The following NSG2 variants were observed in gnomAD, a reference collection of about 807,000 sequenced individuals.
NSG2 encodes the protein neuronal vesicle trafficking associated 2.
NSG2 carries 4 observed loss-of-function variants against 16.9 expected under a neutral mutation model. That is an observed-to-expected ratio of 0.24 (90% confidence interval 0.12 to 0.54). The LOEUF is 0.54. NSG2 is among the 20% of genes least tolerant of loss of function. The pLI is 0.95. For missense variants in NSG2, 179 were observed against 221.1 expected (o/e 0.81, Z 1.21); for synonymous variants, 98 against 88.7 (o/e 1.11, Z -0.59).
At chr5:174,092,666 G>C (rs144049346) in intron 3 of NSG2, among the ~76,000 whole-genome samples, 2 of 152,352 alleles carry the variant, frequency 1.3e-5, no homozygotes, top group Non-Finnish European at 2.9e-5. Context: ...GCATTTACAT[G>C]ACTCTCTTTC....
intron 2 of NSG2, among the ~76,000 whole-genome samples, chr5:174,059,511 A>C (rs1760017178): frequency 6.6e-6 from 1 of 152,188 alleles, no homozygotes; most frequent in South Asian, 2.1e-4. Context: ...ACTAAATTCT[A>C]ATCACTTTTC....
intron 1 of NSG2, 31 bp from the exon 2 acceptor site, chr5:174,046,703 G>C: frequency 6.2e-7 from 1 of 1,610,480 alleles, no homozygotes; most frequent in Non-Finnish European, 8.5e-7. Flanking sequence ...CTCACCTCCT[G>C]CTGTAACCAG....
rs373234848 is a variant in NSG2, at chr5:174,051,053, G to A, written c.129+4169G>A. Among the ~76,000 whole-genome samples, 62 of 152,228 alleles carry A rather than the reference G, an allele frequency of 4.1e-4. 2 individuals are homozygous for A. In the South Asian group the frequency reaches 0.012, roughly 29 times the overall value. On this transcript the variant is annotated intron_variant, in intron 2 of 4. Transcript: ENST00000303177. ...TCCTTTCACTCCCACGTTGCGCCTC[G>A]AATGTTAGCGTGCCAGACCTACCTG...
At chr5:174,057,421 A>G (rs1389164730) in intron 2 of NSG2, among the ~76,000 whole-genome samples, 1 of 152,236 alleles carries the variant, frequency 6.6e-6, no homozygotes, top group South Asian at 2.1e-4. Flanking sequence ...AGTACTAAAA[A>G]AAAGGAACTG....
At position 174,071,038 on chromosome 5, in the gene NSG2, T is replaced by C. The variant is rs960132853; in HGVS notation, c.213+6723T>C. ...GGGCCAGCTCAGACTGGAGGGTGTGTAGGCACTTGGGAAGGATCCTGGGAA... is the reference window on the plus strand; with the variant it reads ...GGGCCAGCTCAGACTGGAGGGTGTGCAGGCACTTGGGAAGGATCCTGGGAA... On this transcript the variant is annotated intron_variant, in intron 3 of 4. Coordinates refer to ENST00000303177, the MANE Select transcript of NSG2 (RefSeq NM_015980.5). 3.3e-5 allele frequency among the ~76,000 whole-genome samples: 5 copies of C among 152,290 alleles called. No individual in the cohort carries two copies. The East Asian group carries it at 9.7e-4, about 29-fold the overall frequency.
Position 174,107,817 on chromosome 5 carries a change from CAG to C in NSG2, c.*313_*314del. 5.6e-6 allele frequency: 3 copies of C among 536,564 alleles called. No homozygotes were observed. The highest frequency in any genetic ancestry group is 1.1e-5 in the Non-Finnish European group (3 of 282,574). 33.2% of individuals were successfully genotyped at this position (536,564 alleles called of 1,614,324 possible). A position where few individuals can be genotyped will look rare whatever the true frequency, so the allele number is the denominator to read the frequency against. ...CTTATTCTTTGTTAGGAAAATGTAA[CAG>C]CAGAAAAGGAAAGAAACAAAGAACA... is the stretch of plus-strand genomic sequence containing the variant. On this transcript the variant is annotated 3_prime_UTR_variant, in exon 5 of 5. Coordinates refer to ENST00000303177, the MANE Select transcript of NSG2 (RefSeq NM_015980.5). The surrounding 1 kb of genome is among the most constrained non-coding windows in gnomAD (Gnocchi z 4.5).
At chr5:174,100,171 G>T (rs1014331428) in intron 3 of NSG2, among the ~76,000 whole-genome samples, 2 of 152,226 alleles carry the variant, frequency 1.3e-5, no homozygotes, top group Non-Finnish European at 2.9e-5. Flanking sequence ...CCCATGGGCT[G>T]GGCTGCACCC....
intron 2 of NSG2, among the ~76,000 whole-genome samples, chr5:174,049,632 G>A (rs1008629813): frequency 1.2e-4 from 18 of 152,168 alleles, no homozygotes; most frequent in Admixed American, 4.6e-4. Flanking sequence ...AGCCCAGGCA[G>A]TGCTGTTCCA....
intron 3 of NSG2, among the ~76,000 whole-genome samples, chr5:174,082,116 C>T (rs1294775417): frequency 6.6e-6 from 1 of 152,176 alleles, no homozygotes; most frequent in African/African-American, 2.4e-5. Context: ...CTGTCTGAAG[C>T]TTTGAAAGAT....
At chr5:174,051,259 T>TACCCAGGG (rs1759884521) in intron 2 of NSG2, among the ~76,000 whole-genome samples, 1 of 152,096 alleles carries the variant, frequency 6.6e-6, no homozygotes, top group African/African-American at 2.4e-5. Flanking sequence ...GTCCTGCCCC[T>TACCCAGGG]GGGTAGAATT....
At chr5:174,049,883 G>T (rs920795743) in intron 2 of NSG2, among the ~76,000 whole-genome samples, 6 of 152,308 alleles carry the variant, frequency 3.9e-5, no homozygotes, top group African/African-American at 1.4e-4. Flanking sequence ...AGTAAATTTT[G>T]CTCAAGAAGC....
At chr5:174,071,437 A>G (rs1016834295) in intron 3 of NSG2, among the ~76,000 whole-genome samples, 1 of 152,206 alleles carries the variant, frequency 6.6e-6, no homozygotes, top group Non-Finnish European at 1.5e-5. Context: ...CAGTGAGCTG[A>G]GATCGCACCA....
At chr5:174,105,567 G>T (rs1760964241) in intron 4 of NSG2, among the ~76,000 whole-genome samples, 1 of 152,162 alleles carries the variant, frequency 6.6e-6, no homozygotes, top group African/African-American at 2.4e-5. Context: ...GAACGTGGAG[G>T]TTTCTCCGCA....
chr5:174,087,667 G>A (rs1177269235), intron 3 of NSG2, among the ~76,000 whole-genome samples: 2 of 151,686 alleles, frequency 1.3e-5, no homozygotes, highest in African/African-American at 2.4e-5. Context: ...ACCCCTGCAA[G>A]TCCTCCTACT....
rs902687113 is a variant in NSG2 at position 174,107,323 on chromosome 5, T to C, written c.334T>C (p.Cys112Arg). ...PEGFVYKHKR[C>R]IPASLDAYYS... Reference sequence around the variant, plus strand: ...TCTCTTTCTTCCCCAGCACAAACGCTGTATCCCAGCCTCCCTGGATGCTTA... The same window carrying C: ...TCTCTTTCTTCCCCAGCACAAACGCCGTATCCCAGCCTCCCTGGATGCTTA... Residue 112 changes from cysteine (C) to arginine (R), a missense_variant, in exon 5 of 5, where the codon TGT (cysteine) becomes CGT (arginine). Coordinates refer to ENST00000303177, the MANE Select transcript of NSG2 (RefSeq NM_015980.5). This position sits in a 1 kb window ranked among gnomAD's most constrained non-coding sequence, Gnocchi z 4.5. The C allele has an allele frequency of 1.3e-6, 2 of 1,565,242 alleles. No individual in the cohort carries two copies. Among genetic ancestry groups the C allele is most frequent in the Non-Finnish European group, 1.7e-6 (2 of 1,150,074 alleles).
chr5:174,086,990 C>G (rs1181926247), intron 3 of NSG2, among the ~76,000 whole-genome samples: 1 of 152,112 alleles, frequency 6.6e-6, no homozygotes, highest in Non-Finnish European at 1.5e-5. Context: ...GGCTCTACAC[C>G]CAGGAATCAC....
At chr5:174,099,013 T>C (rs1760857053) in intron 3 of NSG2, among the ~76,000 whole-genome samples, 1 of 152,192 alleles carries the variant, frequency 6.6e-6, no homozygotes, top group East Asian at 1.9e-4. Context: ...CCGGCTTTCA[T>C]GTTCAGAGGT....
intron 3 of NSG2, chr5:174,066,265 T>G: frequency 2.2e-6 from 1 of 455,678 alleles, no homozygotes; most frequent in Non-Finnish European, 4.4e-6. Flanking sequence ...TACAAGTACT[T>G]GCAGGAATAA....
chr5:174,077,746 C>A (rs1459640590), intron 3 of NSG2, among the ~76,000 whole-genome samples: 1 of 151,912 alleles, frequency 6.6e-6, no homozygotes, highest in Non-Finnish European at 1.5e-5. Context: ...TCCTTTCCTG[C>A]GTTTTTCTGG....
Sources: allele counts gnomAD v4.1 joint callset (sites outside exome capture counted in the v4.1 genomes callset), GRCh38; gene constraint gnomAD v4.1.1; non-coding constraint Gnocchi (gnomAD v3.1); transcripts MANE v1.5; gene names NCBI Gene and HGNC (gene_info 2026-07-23, HGNC 2026-07-21).